TMEM74: variants seen among roughly 807,000 people sequenced by gnomAD.
The protein encoded by TMEM74 is transmembrane protein 74.
A neutral mutation model predicts 18.1 loss-of-function variants in TMEM74; 13 were observed. That is an observed-to-expected ratio of 0.72 (90% CI 0.47 to 1.14). TMEM74 has a LOEUF of 1.14. Among genes scored for constraint, TMEM74 ranks in the 50% most tolerant of loss-of-function variants. The pLI, the probability that TMEM74 is intolerant of heterozygous loss-of-function variation, is 0.00. For missense variants in TMEM74, 372 were observed against 375.9 expected (o/e 0.99, Z 0.09); for synonymous variants, 159 against 146.6 (o/e 1.08, Z -0.61).
intron 1 of TMEM74, among the ~76,000 whole-genome samples, chr8:108,665,900 A>C (rs1048133860): frequency 6.6e-6 from 1 of 152,208 alleles, no homozygotes; most frequent in African/African-American, 2.4e-5. Flanking sequence ...ATGTCTGTTA[A>C]TATATGAAAG....
At chr8:108,738,239 G>A (rs555765259) in intron 1 of TMEM74, among the ~76,000 whole-genome samples, 1 of 152,262 alleles carries the variant, frequency 6.6e-6, no homozygotes, top group South Asian at 2.1e-4. Context: ...AAATGTTTGT[G>A]AATGGATCAT....
chr8:108,664,608 C>T (rs117263786), intron 1 of TMEM74, among the ~76,000 whole-genome samples: 1 of 152,064 alleles, frequency 6.6e-6, no homozygotes, highest in Admixed American at 6.6e-5. Context: ...TTATCTCTTT[C>T]TAATTGGATG....
intron 1 of TMEM74, among the ~76,000 whole-genome samples, chr8:108,756,599 A>AAAGAAAGAAAGAAAGAGAAAGG (rs1586286218): frequency 1.9e-5 from 1 of 51,526 alleles, no homozygotes; most frequent in African/African-American, 1.1e-4. Context: ...AAAGAAAGAG[A>AAAGAAAGAAAGAAAGAGAAAGG]AAGGAAGGAA....
Position 108,666,488 on chromosome 8 carries a change from C to T in TMEM74, n.120-11051G>A, listed in dbSNP as rs1192529692. On this transcript the variant is annotated intron_variant and non_coding_transcript_variant, in intron 1 of 3. Transcript: ENST00000518838. The stretch of plus-strand genomic sequence containing the variant: ...GGGGCTTCCTGGACCCCTTTAAGGG[C>T]AGCAGTCAAATAAAATGCTTTGTCC... Among the ~76,000 whole-genome samples, 2 of 152,138 alleles carry T rather than the reference C, an allele frequency of 1.3e-5. 1 individual carries two copies. The highest frequency in any genetic ancestry group is 1.3e-4 in the Admixed American group (2 of 15,260).
intron 1 of TMEM74, among the ~76,000 whole-genome samples, chr8:108,751,354 A>G (rs1813902982): frequency 6.6e-6 from 1 of 152,162 alleles, no homozygotes; most frequent in African/African-American, 2.4e-5. Context: ...ATAGCTATAA[A>G]TACACTTTGT....
chr8:108,715,578 TC>T (rs1188959587), intron 1 of TMEM74, among the ~76,000 whole-genome samples: 1 of 152,134 alleles, frequency 6.6e-6, no homozygotes, highest in Non-Finnish European at 1.5e-5. Context: ...TGTGTTTATG[TC>T]ATGTAATAAT....
intron 1 of TMEM74, among the ~76,000 whole-genome samples, chr8:108,657,384 G>A (rs977831438): frequency 2.0e-5 from 3 of 152,058 alleles, no homozygotes; most frequent in East Asian, 2.0e-4. Flanking sequence ...CTCCTCTTCT[G>A]AAGCACCAGC....
At chr8:108,678,791 C>A (rs1309171372) in intron 1 of TMEM74, among the ~76,000 whole-genome samples, 1 of 150,780 alleles carries the variant, frequency 6.6e-6, no homozygotes, top group African/African-American at 2.4e-5. Flanking sequence ...TACACATGCA[C>A]AATGTGCAGG....
intron 1 of TMEM74, among the ~76,000 whole-genome samples, chr8:108,763,250 T>C (rs953640568): frequency 6.6e-6 from 1 of 151,714 alleles, no homozygotes; most frequent in African/African-American, 2.4e-5. Flanking sequence ...CCACATAAAG[T>C]AGATGTTGTG....
At chr8:108,646,068 T>C (rs1331656588) in intron 2 of TMEM74, among the ~76,000 whole-genome samples, 2 of 151,900 alleles carry the variant, frequency 1.3e-5, no homozygotes, top group Admixed American at 1.3e-4. Context: ...ACTTGATATA[T>C]ATTGTTCACG....
chr8:108,750,615 A>G (rs1160613993), intron 1 of TMEM74, among the ~76,000 whole-genome samples: 1 of 152,110 alleles, frequency 6.6e-6, no homozygotes, highest in Non-Finnish European at 1.5e-5. Flanking sequence ...CACCAGGGAG[A>G]AGAAACTTCC....
At chr8:108,731,441 C>T (rs990373601) in intron 1 of TMEM74, among the ~76,000 whole-genome samples, 1 of 152,172 alleles carries the variant, frequency 6.6e-6, no homozygotes, top group African/African-American at 2.4e-5. Context: ...CATAAAATCT[C>T]TATGCTCATT....
downstream of TMEM74, among the ~76,000 whole-genome samples, chr8:108,776,158 G>A (rs992810378): frequency 6.6e-6 from 1 of 152,184 alleles, no homozygotes; most frequent in Non-Finnish European, 1.5e-5. Context: ...CCAAATGACA[G>A]GATTTTGTTG....
chr8:108,696,593 A>G (rs573334109), intron 1 of TMEM74, among the ~76,000 whole-genome samples: 1 of 152,328 alleles, frequency 6.6e-6, no homozygotes, highest in Non-Finnish European at 1.5e-5. Flanking sequence ...ACTCTCTTCA[A>G]AGTCAGTTTC....
At chr8:108,697,281 A>T (rs1468981936) in intron 1 of TMEM74, among the ~76,000 whole-genome samples, 1 of 152,236 alleles carries the variant, frequency 6.6e-6, no homozygotes, top group African/African-American at 2.4e-5. Context: ...GGAGTCACAG[A>T]TGACTCCTCC....
intron 2 of TMEM74, among the ~76,000 whole-genome samples, chr8:108,653,480 C>T (rs1812793683): frequency 6.6e-6 from 1 of 152,086 alleles, no homozygotes; most frequent in South Asian, 2.1e-4. Context: ...TTTTTATCTC[C>T]CATACTTCCT....
At chr8:108,773,788 A>AT (rs908767640) in intron 1 of TMEM74, among the ~76,000 whole-genome samples, 2 of 152,152 alleles carry the variant, frequency 1.3e-5, no homozygotes, top group African/African-American at 4.8e-5. Flanking sequence ...TGAGTGAGTA[A>AT]TTTTGGAATA....
intron 1 of TMEM74, among the ~76,000 whole-genome samples, chr8:108,748,249 T>C (rs1813870479): frequency 6.6e-6 from 1 of 152,178 alleles, no homozygotes; most frequent in South Asian, 2.1e-4. Context: ...TTTTTAGTAA[T>C]AGCCATTCTG....
chr8:108,770,914 T>A (rs1814163869), intron 1 of TMEM74, among the ~76,000 whole-genome samples: 1 of 152,074 alleles, frequency 6.6e-6, no homozygotes, highest in Non-Finnish European at 1.5e-5. Context: ...CATGAAGACA[T>A]GAGCTGTTCA....
Sources: allele counts gnomAD v4.1 joint callset (sites outside exome capture counted in the v4.1 genomes callset), GRCh38; gene constraint gnomAD v4.1.1; transcripts MANE v1.5; gene names NCBI Gene and HGNC (gene_info 2026-07-23, HGNC 2026-07-21).